Variants in GLIS1 observed in about 807,000 individuals in gnomAD.
GLIS1 encodes the protein zinc finger protein GLIS1.
Under a neutral mutation model 63.8 loss-of-function variants are expected in GLIS1, and 24 were observed. The ratio of observed to expected loss-of-function variants is 0.38; its 90% CI spans 0.27 to 0.53. GLIS1 has a LOEUF of 0.53. Ranked by LOEUF, GLIS1 falls within the 20% of genes least tolerant of loss-of-function variation. The pLI, the probability that GLIS1 is intolerant of heterozygous loss-of-function variation, is 0.85. For synonymous variants in GLIS1, 450 were observed against 482.5 expected, an observed-to-expected ratio of 0.93 and a Z score of 0.88; for missense variants, 1,036 against 1,074.1, an observed-to-expected ratio of 0.96 and a Z score of 0.50.
At chr1:53,689,067 TTC>T (rs1342879149) in intron 2 of GLIS1, among the ~76,000 whole-genome samples, 1 of 152,200 alleles carries the variant, frequency 6.6e-6, no homozygotes, top group Non-Finnish European at 1.5e-5. Context: ...GCTGAGCACA[TTC>T]TCTCAGGTCG....
chr1:53,609,460 G>T, intron 2 of GLIS1, among the ~76,000 whole-genome samples: 1 of 151,662 alleles, frequency 6.6e-6, no homozygotes, highest in South Asian at 2.1e-4. Flanking sequence ...TAGTAGAGAT[G>T]GGGTTTTACC....
chr1:53,629,693 T>C (rs1645631838), intron 2 of GLIS1, among the ~76,000 whole-genome samples: 2 of 152,230 alleles, frequency 1.3e-5, no homozygotes, highest in African/African-American at 2.4e-5. Context: ...ATCACCTTCC[T>C]GCAAGAGGCC....
intron 2 of GLIS1, among the ~76,000 whole-genome samples, chr1:53,618,193 C>T (rs911176017): frequency 6.6e-6 from 1 of 152,220 alleles, no homozygotes; most frequent in Non-Finnish European, 1.5e-5. Flanking sequence ...AGCTCACCTC[C>T]CCAACCCTTG....
chr1:53,676,133 T>G (rs1007740597), intron 2 of GLIS1, among the ~76,000 whole-genome samples: 1 of 152,126 alleles, frequency 6.6e-6, no homozygotes. Context: ...ATTAACACCG[T>G]TTGCTCTGGT....
At chr1:53,559,492 C>T (rs1258353913) in intron 4 of GLIS1, among the ~76,000 whole-genome samples, 1 of 152,236 alleles carries the variant, frequency 6.6e-6, no homozygotes, top group Non-Finnish European at 1.5e-5. Flanking sequence ...CGGCCCCTGC[C>T]CTGATCCTGC....
rs563920235 is a variant in GLIS1, at chr1:53,530,402, G to A, written c.1321-450C>T. 8.5e-5 allele frequency among the ~76,000 whole-genome samples: 13 copies of A among 152,266 alleles called. No homozygotes were observed. The East Asian group carries it at 1.5e-3, about 18-fold the overall frequency. On this transcript the variant is annotated intron_variant, in intron 4 of 10. Coordinates refer to ENST00000628545, the MANE Select transcript of GLIS1 (RefSeq NM_001367484.1). ...TGGGCAGTGCTCTTGACCCCTCTGC[G>A]CCTTGTTTCCTTGTTTTCAAGCTTG... is the stretch of plus-strand genomic sequence containing the variant.
intron 2 of GLIS1, among the ~76,000 whole-genome samples, chr1:53,675,744 G>A (rs1332197728): frequency 6.6e-6 from 1 of 152,122 alleles, no homozygotes; most frequent in African/African-American, 2.4e-5. Context: ...TCACACAGAG[G>A]CACAGAGCAG....
Position 53,559,732 on chromosome 1 carries a change from G to A in GLIS1, c.1321-29780C>T, listed in dbSNP as rs191277487. Among the ~76,000 whole-genome samples the A allele has an allele frequency of 2.3e-4, 35 of 152,150 alleles. No individual in the cohort carries two copies. The East Asian group carries it at 5.6e-3, about 24-fold the overall frequency. On this transcript the variant is annotated intron_variant, in intron 4 of 10. Transcript: ENST00000628545. ...GCCTCAGCCCTGCAGCCAGCCACCC[G>A]CCATGCACGGGAGGGAGCTCTGTTT...
intron 7 of GLIS1, among the ~76,000 whole-genome samples, chr1:53,518,369 G>A (rs1035956876): frequency 5.3e-5 from 8 of 152,212 alleles, no homozygotes; most frequent in East Asian, 1.9e-4. Context: ...TTCTGAGGCC[G>A]ACGTGAGGAT....
intron 2 of GLIS1, among the ~76,000 whole-genome samples, chr1:53,659,968 G>A (rs1045225835): frequency 4.6e-5 from 7 of 152,138 alleles, no homozygotes; most frequent in African/African-American, 1.7e-4. Context: ...CTCCTGGCTG[G>A]GTGGCCTTGG....
At chr1:53,711,900 G>A (rs1035386430) in intron 2 of GLIS1, among the ~76,000 whole-genome samples, 2 of 152,188 alleles carry the variant, frequency 1.3e-5, no homozygotes, top group African/African-American at 4.8e-5. Context: ...CATCTAATGG[G>A]AAGGCAGGGC....
At chr1:53,534,267 G>A (rs961447540) in intron 4 of GLIS1, among the ~76,000 whole-genome samples, 2 of 152,030 alleles carry the variant, frequency 1.3e-5, no homozygotes, top group East Asian at 1.9e-4. Context: ...GGTGGAGGGA[G>A]GACTTACCTT....
In GLIS1 at chr1:53,520,699, G is replaced by C. The variant is rs760106371; in HGVS notation, c.1661C>G (p.Thr554Arg). 3.7e-6 allele frequency: 6 copies of C among 1,607,464 alleles called. No homozygotes were observed. The highest frequency in any genetic ancestry group is 5.1e-6 in the Non-Finnish European group (6 of 1,177,784). The change falls in exon 7 of 11, where the codon ACG becomes AGG. Residue 554 changes from threonine (T) to arginine (R), a missense_variant. Thr to Arg is a moderately conservative substitution (Grantham distance 71). This residue lies in a region of GLIS1 where 400 missense variants were observed against 400.9 expected (regional missense o/e 1.00). Transcript: ENST00000628545. ...TECLVLQQLH[T>R]STQLAASDGK... ...GTCGCTGGCAGCCAGCTGTGTGGAC[G>C]TGTGGAGCTGCTGCAGGACCAGACA...
intron 2 of GLIS1, among the ~76,000 whole-genome samples, chr1:53,629,185 C>G (rs1013920016): frequency 6.6e-6 from 1 of 152,098 alleles, no homozygotes; most frequent in Admixed American, 6.5e-5. Flanking sequence ...TGCAACCCCG[C>G]CCCTACTCTG....
chr1:53,645,835 T>C (rs1207238063), intron 2 of GLIS1, among the ~76,000 whole-genome samples: 3 of 152,226 alleles, frequency 2.0e-5, no homozygotes, highest in Non-Finnish European at 4.4e-5. Context: ...ACCTGACTCC[T>C]TGCTTGCAGG....
intron 8 of GLIS1, 55 bp downstream of exon 8, chr1:53,514,570 C>T: frequency 3.2e-6 from 5 of 1,565,336 alleles, no homozygotes; most frequent in Non-Finnish European, 4.4e-6. Flanking sequence ...CTCCCTGCCT[C>T]CCCCCGAGAT....
chr1:53,662,503 A>G (rs928715134), intron 2 of GLIS1, among the ~76,000 whole-genome samples: 3 of 152,056 alleles, frequency 2.0e-5, no homozygotes, highest in Admixed American at 2.0e-4. Flanking sequence ...CTGTTCTCCC[A>G]TCTCCTGCTG....
intron 4 of GLIS1, among the ~76,000 whole-genome samples, chr1:53,568,155 T>C (rs1305906046): frequency 6.6e-6 from 1 of 152,208 alleles, no homozygotes; most frequent in Admixed American, 6.5e-5. Context: ...CTTGAGGCCT[T>C]GAGAGCCCAC....
chr1:53,642,029 G>A (rs1013364456), intron 2 of GLIS1, among the ~76,000 whole-genome samples: 2 of 152,236 alleles, frequency 1.3e-5, no homozygotes, highest in Non-Finnish European at 2.9e-5. Context: ...GCACTGCCAA[G>A]TGTGGGGCCT....
Sources: allele counts gnomAD v4.1 joint callset (sites outside exome capture counted in the v4.1 genomes callset), GRCh38; gene constraint gnomAD v4.1.1; regional missense constraint gnomAD v4.1.1; transcripts MANE v1.5; gene names NCBI Gene and HGNC (gene_info 2026-07-23, HGNC 2026-07-21).